Variants in SIM2 observed in about 807,000 individuals in gnomAD.
The protein encoded by SIM2 is single-minded homolog 2.
A neutral mutation model predicts 64.8 loss-of-function variants in SIM2; 28 were observed. The observed-to-expected ratio is 0.43, with a 90% CI of 0.32 to 0.59. The LOEUF is 0.59. SIM2 is among the 20% of genes least tolerant of loss of function. The pLI, the probability that SIM2 is intolerant of heterozygous loss-of-function variation, is 0.07. For synonymous variants in SIM2, 408 were observed against 391.1 expected (o/e 1.04, Z -0.51); for missense variants, 847 against 871.4 (o/e 0.97, Z 0.35).
At chr21:36,717,382 T>C (rs900373403) in intron 3 of SIM2, among the ~76,000 whole-genome samples, 6 of 152,142 alleles carry the variant, frequency 3.9e-5, no homozygotes, top group African/African-American at 1.4e-4. Flanking sequence ...ATTTTGTTAT[T>C]TTTTCATTTT....
intron 7 of SIM2, among the ~76,000 whole-genome samples, chr21:36,736,972 T>A (rs903837587): frequency 6.6e-6 from 1 of 151,896 alleles, no homozygotes; most frequent in African/African-American, 2.4e-5. Flanking sequence ...TGTCACCCAG[T>A]CTGGAATACA....
chr21:36,709,380 G>A (rs1432162584), intron 2 of SIM2, 130 bp downstream of exon 2: 2 of 794,532 alleles, frequency 2.5e-6, no homozygotes, highest in Non-Finnish European at 4.2e-6. Flanking sequence ...GCTGGGGATG[G>A]GGTGGTCCCC....
chr21:36,717,450 C>CTTT (rs528248816), intron 3 of SIM2, among the ~76,000 whole-genome samples: 7 of 134,790 alleles, frequency 5.2e-5, no homozygotes, highest in Non-Finnish European at 7.9e-5. Flanking sequence ...TCTTTCTTTT[C>CTTT]TTTTTTTTTT....
chr21:36,731,760 T>C (rs1002932241), intron 7 of SIM2, among the ~76,000 whole-genome samples: 24 of 152,022 alleles, frequency 1.6e-4, no homozygotes, highest in Non-Finnish European at 3.4e-4. Flanking sequence ...TGGGACGGGG[T>C]GAACAAACAC....
chr21:36,716,431 A>C (rs1056733832), intron 3 of SIM2, among the ~76,000 whole-genome samples: 2 of 152,252 alleles, frequency 1.3e-5, no homozygotes, highest in Non-Finnish European at 2.9e-5. Flanking sequence ...TTGTGGCCAG[A>C]AACAACCATA....
At chr21:36,725,066 C>T (rs1183845241) in intron 5 of SIM2, among the ~76,000 whole-genome samples, 1 of 152,122 alleles carries the variant, frequency 6.6e-6, no homozygotes, top group African/African-American at 2.4e-5. Context: ...TGTACTGGGG[C>T]AGGGCACAGT....
At chr21:36,724,906 A>G (rs1354200151) in intron 5 of SIM2, among the ~76,000 whole-genome samples, 1 of 152,196 alleles carries the variant, frequency 6.6e-6, no homozygotes, top group African/African-American at 2.4e-5. Context: ...TTTGACACCG[A>G]AACACTGCAT....
At chr21:36,700,045 A>G (rs1568920053) in intron 1 of SIM2, 124 bp downstream of exon 1, 7 of 1,047,336 alleles carry the variant, frequency 6.7e-6, no homozygotes, top group Non-Finnish European at 9.5e-6. Context: ...GGGGCGTCTG[A>G]GGGAGGTTGC....
At chr21:36,727,704 G>A (rs1032757979) in intron 6 of SIM2, among the ~76,000 whole-genome samples, 7 of 152,298 alleles carry the variant, frequency 4.6e-5, no homozygotes, top group Non-Finnish European at 5.9e-5. Context: ...TGTGTGCGAT[G>A]AGTCTTTGGC....
At chr21:36,721,712 A>G (rs1601696474) in intron 4 of SIM2, among the ~76,000 whole-genome samples, 1 of 152,138 alleles carries the variant, frequency 6.6e-6, no homozygotes, top group African/African-American at 2.4e-5. Context: ...CTGGGATTAC[A>G]GGCGTGAGCC....
At chr21:36,704,494 G>A (rs2088551503) in intron 1 of SIM2, among the ~76,000 whole-genome samples, 1 of 152,250 alleles carries the variant, frequency 6.6e-6, no homozygotes, top group Non-Finnish European at 1.5e-5. Context: ...CCGGGAAGTG[G>A]TAAAGGGGAC....
At chr21:36,720,064 T>TAC in intron 4 of SIM2, 135 bp downstream of exon 4, 1 of 644,150 alleles carries the variant, frequency 1.6e-6, no homozygotes, top group South Asian at 1.7e-5. Context: ...GTCTCTCCAA[T>TAC]ACACACACAG....
chr21:36,712,378 T>A (rs2088689111), intron 2 of SIM2, among the ~76,000 whole-genome samples, 155 bp from the exon 3 acceptor site: 1 of 152,216 alleles, frequency 6.6e-6, no homozygotes, highest in East Asian at 1.9e-4. Context: ...TTTCCTACAG[T>A]CCTTTTTAAG....
In SIM2 at chr21:36,747,657, C is replaced by T. The variant is rs1167856826; in HGVS notation, c.1577-8C>T. On this transcript the variant is annotated splice_polypyrimidine_tract_variant and splice_region_variant and intron_variant, in intron 10 of 10. Coordinates refer to ENST00000290399, the MANE Select transcript of SIM2 (RefSeq NM_005069.6). The surrounding 1 kb of genome is among the most constrained non-coding windows in gnomAD (Gnocchi z 4.5). Reference sequence around the variant, plus strand: ...TGCTGCCCTCTAACGTGTCGCCTGTCCCCGCAGCGCCCGCCGCCGCCGTGC... The same window carrying T: ...TGCTGCCCTCTAACGTGTCGCCTGTTCCCGCAGCGCCCGCCGCCGCCGTGC... 1.7e-5 allele frequency: 21 copies of T among 1,244,904 alleles called. No individual in the cohort carries two copies. The Admixed American group carries it at 3.3e-4, about 19-fold the overall frequency. 77.1% of individuals were successfully genotyped at this position (1,244,904 alleles called of 1,614,324 possible).
In SIM2 at chr21:36,741,224, CTG is replaced by C. The variant is rs570027726; in HGVS notation, c.851-490_851-489del. Among the ~76,000 whole-genome samples the C allele has an allele frequency of 9.5e-4, 144 of 152,358 alleles. 3 individuals are homozygous for C. In the South Asian group the frequency reaches 0.017, roughly 18 times the overall value. The stretch of plus-strand genomic sequence containing the variant: ...ATATAAATGGCAACAAACAGTTTCA[CTG>C]TGAATACCCTCATGTTCCTGAACAG... On this transcript the variant is annotated intron_variant, in intron 7 of 10. Transcript: ENST00000290399.
At chr21:36,703,279 G>T (rs1233489023) in intron 1 of SIM2, among the ~76,000 whole-genome samples, 1 of 152,182 alleles carries the variant, frequency 6.6e-6, no homozygotes, top group Non-Finnish European at 1.5e-5. Context: ...AGGACTTGGG[G>T]ATGTTTTCAA....
chr21:36,700,172 A>G (rs1475578140), intron 1 of SIM2, among the ~76,000 whole-genome samples: 2 of 152,152 alleles, frequency 1.3e-5, no homozygotes, highest in Non-Finnish European at 2.9e-5. Flanking sequence ...GAATTGTTCC[A>G]GGGGCAGGCA....
intron 1 of SIM2, among the ~76,000 whole-genome samples, chr21:36,706,476 C>T (rs1449184385): frequency 3.9e-5 from 6 of 152,322 alleles, no homozygotes; most frequent in South Asian, 2.1e-4. Context: ...CCGCTAACCC[C>T]GAGGCGCCTA....
chr21:36,737,982 A>AAAAAAAG (rs2089095780), intron 7 of SIM2, among the ~76,000 whole-genome samples: 1 of 88,790 alleles, frequency 1.1e-5, no homozygotes, highest in African/African-American at 3.4e-5. Flanking sequence ...AAAAAAAAAA[A>AAAAAAAG]GCAAAAAAAA....
Sources: gnomAD v4.1 joint callset for allele counts (sites outside exome capture counted in the v4.1 genomes callset) on GRCh38, gnomAD v4.1.1 for gene constraint, Gnocchi (gnomAD v3.1) non-coding constraint, MANE v1.5 for transcripts, NCBI Gene and HGNC (gene_info 2026-07-23, HGNC 2026-07-21) for gene names.